Variants in ZNF16 observed in about 807,000 individuals in gnomAD.
The protein encoded by ZNF16 is zinc finger protein KOX9.
A neutral mutation model predicts 9.0 loss-of-function variants in ZNF16; 7 were observed. The observed-to-expected ratio is 0.78, with a 90% CI of 0.44 to 1.47. The LOEUF (loss-of-function observed/expected upper bound fraction) is 1.47, where lower values mean the gene tolerates loss of function less well. Ranked by LOEUF, ZNF16 falls within the 40% of genes most tolerant of loss-of-function variation. ZNF16 has a pLI of 0.01. For synonymous variants in ZNF16, 312 were observed against 301.5 expected (o/e 1.03, Z -0.36); for missense variants, 830 against 854.2 (o/e 0.97, Z 0.35).
At chr8:144,937,143 CTTTTTT>C (rs58306145) in intron 2 of ZNF16, among the ~76,000 whole-genome samples, 2,821 of 110,896 alleles carry the variant, frequency 0.025, 69 homozygotes, top group African/African-American at 0.086. Context: ...CTTTCTCTCT[CTTTTTT>C]TTTTTTTTTT....
At chr8:144,935,275 TC>T (rs1209547780) in intron 2 of ZNF16, among the ~76,000 whole-genome samples, 1 of 152,142 alleles carries the variant, frequency 6.6e-6, no homozygotes, top group Non-Finnish European at 1.5e-5. Context: ...CCATCTCAGC[TC>T]ACCACAACCT....
At chr8:144,941,065 T>C (rs1371845442) in intron 2 of ZNF16, among the ~76,000 whole-genome samples, 1 of 152,162 alleles carries the variant, frequency 6.6e-6, no homozygotes, top group African/African-American at 2.4e-5. Flanking sequence ...TAGACCACAG[T>C]GATGGTCGTC....
chr8:144,949,934 A>C (rs1242662347), intron 1 of ZNF16, among the ~76,000 whole-genome samples: 2 of 152,166 alleles, frequency 1.3e-5, no homozygotes, highest in African/African-American at 2.4e-5. Flanking sequence ...GTTGAGATAG[A>C]GGAAGGCCAC....
At position 144,932,447 on chromosome 8, in the gene ZNF16, A is replaced by T; in HGVS notation, c.340T>A (p.Ser114Thr). 1 of 1,614,140 alleles carries T rather than the reference A, an allele frequency of 6.2e-7. No homozygotes were observed. The highest frequency in any genetic ancestry group is 8.5e-7 in the Non-Finnish European group (1 of 1,180,040). ...TCGGGGACTCCCCAGTCTCTTTCTG[A>T]TACATCATCACACAGATCTCCAAGC... ...PELGDLCDDV[S>T]ERDWGVPEGR... Residue 114 changes from serine (S) to threonine (T), a missense_variant, in exon 3 of 3, where the codon TCA (serine) becomes ACA (threonine). By Grantham distance (58) the Ser-to-Thr change is moderately conservative. Coordinates refer to ENST00000394909, the MANE Select transcript of ZNF16 (RefSeq NM_006958.3). This position sits in a 1 kb window ranked among gnomAD's most constrained non-coding sequence, Gnocchi z 5.0.
chr8:144,931,247 C>T lies in ZNF16; in HGVS notation c.1540G>A (p.Asp514Asn), dbSNP rs752265890. The change falls in exon 3 of 3, where the codon GAC (aspartate) becomes AAC (asparagine). Residue 514 changes from aspartate to asparagine, a missense_variant. Transcript: ENST00000394909. ...CACTCGTGGCAGGCGTAGGGCTTGT[C>T]GCCTGTGTGCACGCCCTGGTGCTGA... ...LIQHQGVHTG[D>N]KPYACHECGK... The T allele has an allele frequency of 1.1e-5, 18 of 1,613,850 alleles. No individual in the cohort carries two copies. Among genetic ancestry groups the T allele is most frequent in the Middle Eastern group, 1.7e-4 (1 of 6,056 alleles).
chr8:144,948,937 T>C (rs1834025319), intron 1 of ZNF16, among the ~76,000 whole-genome samples: 1 of 152,220 alleles, frequency 6.6e-6, no homozygotes, highest in Admixed American at 6.5e-5. Context: ...GGACCCAATC[T>C]AATCAAATGA....
chr8:144,932,270 C>G lies in ZNF16; in HGVS notation c.517G>C (p.Glu173Gln). Residue 173 changes from glutamate (E) to glutamine (Q), a missense_variant, in exon 3 of 3, where the codon GAA (glutamate) becomes CAA (glutamine). Coordinates refer to ENST00000394909, the MANE Select transcript of ZNF16 (RefSeq NM_006958.3). The surrounding 1 kb of genome is among the most constrained non-coding windows in gnomAD (Gnocchi z 5.0). ...SLSPNLMACQ[E>Q]IPTEERPHPY... Reference sequence around the variant, plus strand: ...TGTGGCCTCTCTTCTGTAGGGATTTCCTGACATGCCATCAGGTTTGGGCTC... The same window carrying G: ...TGTGGCCTCTCTTCTGTAGGGATTTGCTGACATGCCATCAGGTTTGGGCTC... 1 of 1,614,116 alleles carries G rather than the reference C, an allele frequency of 6.2e-7. No individual in the cohort carries two copies. Among genetic ancestry groups the G allele is most frequent in the Non-Finnish European group, 8.5e-7 (1 of 1,179,994 alleles).
intron 2 of ZNF16, among the ~76,000 whole-genome samples, chr8:144,943,829 A>C (rs1472872178): frequency 6.6e-6 from 1 of 151,796 alleles, no homozygotes. Context: ...CATTAAGTTC[A>C]CTTTTCTTAG....
chr8:144,947,334 CTGTGGGCCTGTGTCCTGT>C (rs1563926492), intron 1 of ZNF16, among the ~76,000 whole-genome samples: 4 of 135,858 alleles, frequency 2.9e-5, no homozygotes, highest in Non-Finnish European at 4.6e-5. Flanking sequence ...CTGTATCCTG[CTGTGGGCCTGTGTCCTGT>C]TGTGGGGCCT....
In ZNF16 at chr8:144,930,723, T is replaced by G. The variant is rs183236341; in HGVS notation, c.*15A>C. The stretch of plus-strand genomic sequence containing the variant: ...AGGAAACTATGCTCGGTTTCACTCC[T>G]GCCAGCCCAACAGCCTATTCCCTGG... On this transcript the variant is annotated 3_prime_UTR_variant, in exon 3 of 3. Transcript: ENST00000394909. 1 of 1,518,186 alleles carries G rather than the reference T, an allele frequency of 6.6e-7. No individual in the cohort carries two copies. The highest frequency in any genetic ancestry group is 2.3e-5 in the East Asian group (1 of 44,048). The allele number at this position is 1,518,186 out of a possible 1,614,324, so 94.0% of individuals were successfully genotyped here.
chr8:144,950,001 T>C (rs1268700918), intron 1 of ZNF16, among the ~76,000 whole-genome samples: 1 of 152,224 alleles, frequency 6.6e-6, no homozygotes, highest in East Asian at 1.9e-4. Context: ...GATTGTACAT[T>C]TGTTCAATTC....
chr8:144,942,507 C>T (rs1023947332), intron 2 of ZNF16, among the ~76,000 whole-genome samples: 4 of 151,860 alleles, frequency 2.6e-5, no homozygotes, highest in Non-Finnish European at 4.4e-5. Context: ...AGGCTGGTCT[C>T]GAACTCCTGA....
In ZNF16 at chr8:144,946,190, G is replaced by A; in HGVS notation, c.17C>T (p.Thr6Ile). Residue 6 changes from threonine (T) to isoleucine (I), a missense_variant, in exon 2 of 3, where the codon ACT becomes ATT. By Grantham distance (89) the Thr-to-Ile change is moderately conservative (BLOSUM62 -1). Transcript: ENST00000394909. MPSLR[T>I]RREEAEMELS... ...CTCCATCTCTGCCTCCTCACGGCGA[G>A]TTCTGAGGCTGGGCATGACAAGGAC... 1 of 1,527,500 alleles carries A rather than the reference G, an allele frequency of 6.5e-7. No homozygotes were observed. Among genetic ancestry groups the A allele is most frequent in the South Asian group, 1.3e-5 (1 of 77,930 alleles). 94.6% of individuals were successfully genotyped at this position (1,527,500 alleles called of 1,614,324 possible). A position where few individuals can be genotyped will look rare whatever the true frequency, so the allele number is the denominator to read the frequency against.
chr8:144,943,361 T>C (rs1045563758), intron 2 of ZNF16, among the ~76,000 whole-genome samples: 2 of 152,192 alleles, frequency 1.3e-5, no homozygotes, highest in Non-Finnish European at 2.9e-5. Context: ...GAACTGCTTG[T>C]GTGTGTAGAC....
At chr8:144,935,153 G>T (rs1186734187) in intron 2 of ZNF16, among the ~76,000 whole-genome samples, 2 of 151,930 alleles carry the variant, frequency 1.3e-5, no homozygotes, top group African/African-American at 2.4e-5. Context: ...GAAAAAATGA[G>T]TTCCTCTACA....
chr8:144,931,783 T>C lies in ZNF16; in HGVS notation c.1004A>G (p.Asn335Ser). 2 of 1,614,188 alleles carry C rather than the reference T, an allele frequency of 1.2e-6. No individual in the cohort carries two copies. Among genetic ancestry groups the C allele is most frequent in the South Asian group, 1.1e-5 (1 of 91,084 alleles). ...ECGKAFRRSS[N>S]LIQHQRIHSG... ...ATGGATTCTTTGATGTTGGATGAGG[T>C]TTGAGCTCCGCCTAAAAGCCTTCCC... is the stretch of plus-strand genomic sequence containing the variant. Residue 335 changes from asparagine to serine, a missense_variant, in exon 3 of 3, where the codon AAC (asparagine) becomes AGC (serine). Physicochemically the swap from Asn to Ser is conservative, Grantham distance 46 (BLOSUM62 1). Transcript: ENST00000394909.
At chr8:144,936,551 T>A (rs1833686380) in intron 2 of ZNF16, among the ~76,000 whole-genome samples, 1 of 152,190 alleles carries the variant, frequency 6.6e-6, no homozygotes, top group South Asian at 2.1e-4. Context: ...CTCTTTTATC[T>A]TTTGTTTTTT....
chr8:144,932,676 G>T lies in ZNF16; in HGVS notation c.197-86C>A. On this transcript the variant is annotated intron_variant, in intron 2 of 2. Transcript: ENST00000394909. This position sits in a 1 kb window ranked among gnomAD's most constrained non-coding sequence, Gnocchi z 5.0. ...ACAGTCACAGTTGCACCCACTAACT[G>T]TGGAGGAGGCAAGGGGAGCAGGGGA... The T allele has an allele frequency of 6.9e-7, 1 of 1,440,708 alleles. No homozygotes were observed. Among genetic ancestry groups the T allele is most frequent in the Non-Finnish European group, 9.4e-7 (1 of 1,058,694 alleles). 89.2% of individuals were successfully genotyped at this position (1,440,708 alleles called of 1,614,324 possible).
chr8:144,950,041 A>G (rs2976463), intron 1 of ZNF16, among the ~76,000 whole-genome samples: 19,272 of 150,622 alleles, frequency 0.13, 1,719 homozygotes, highest in East Asian at 0.3. Flanking sequence ...CCCTATGGTG[A>G]GAGGTGAGAC....
Sources: gnomAD v4.1 joint callset for allele counts (sites outside exome capture counted in the v4.1 genomes callset) on GRCh38, gnomAD v4.1.1 for gene constraint, Gnocchi (gnomAD v3.1) non-coding constraint, MANE v1.5 for transcripts, NCBI Gene and HGNC (gene_info 2026-07-23, HGNC 2026-07-21) for gene names.